Variants in PTGR2 observed in about 807,000 individuals in gnomAD.
PTGR2 encodes prostaglandin reductase 2.
A neutral mutation model predicts 43.4 loss-of-function variants in PTGR2; 32 were observed. The observed-to-expected ratio is 0.74, with a 90% CI of 0.56 to 0.99. The LOEUF (loss-of-function observed/expected upper bound fraction) is 0.99. Ranked by LOEUF, PTGR2 falls within the 50% of genes least tolerant of loss-of-function variation. The probability of loss-of-function intolerance (pLI) is 0.00; values close to 1 mark genes in which losing one functional copy is unlikely to be tolerated. For synonymous variants in PTGR2, 106 were observed against 139.2 expected (o/e 0.76, Z 1.68); for missense variants, 373 against 420.0 (o/e 0.89, Z 0.98).
rs1290978540 is a variant in PTGR2 at position 73,879,122 on chromosome 14, A to G, written c.546A>G (p.Arg182=). 2 of 1,614,038 alleles carry G rather than the reference A, an allele frequency of 1.2e-6. No homozygotes were observed. The highest frequency in any genetic ancestry group is 8.5e-7 in the Non-Finnish European group (1 of 1,179,990). ...GQIGHFLGCS[R]VVGICGTHEK... is the part of the protein sequence containing the mutation. ...TTGGCCATTTCTTAGGTTGTTCCAG[A>G]GTGGTGGGAATTTGTGGAACACATG... The change falls in exon 6 of 10, where the codon AGA becomes AGG. Residue 182 remains arginine (R), a synonymous_variant. Coordinates refer to ENST00000555661, the MANE Select transcript of PTGR2 (RefSeq NM_001146154.2).
At chr14:73,859,655 T>A (rs1372858119) in intron 2 of PTGR2, among the ~76,000 whole-genome samples, 2 of 152,016 alleles carry the variant, frequency 1.3e-5, no homozygotes, top group East Asian at 3.8e-4. Flanking sequence ...TCAAATTTTT[T>A]AATTTTCCAC....
At chr14:73,879,054 G>T (rs2054923196) in intron 5 of PTGR2, 42 bp from the exon 6 acceptor site, 1 of 1,501,208 alleles carries the variant, frequency 6.7e-7, no homozygotes, top group Non-Finnish European at 9.2e-7. Context: ...ACATTTAAAT[G>T]TGACAATATA....
chr14:73,874,431 A>G (rs1341839165), intron 4 of PTGR2, among the ~76,000 whole-genome samples: 3 of 152,038 alleles, frequency 2.0e-5, no homozygotes, highest in Non-Finnish European at 4.4e-5. Context: ...GAGCCTGCTA[A>G]AATAAACTGA....
intron 3 of PTGR2, among the ~76,000 whole-genome samples, chr14:73,867,324 T>C (rs62003701): frequency 0.49 from 74,171 of 151,464 alleles, 18,373 homozygotes; most frequent in South Asian, 0.61. Context: ...TGGGACTTCT[T>C]AGCCTCTCTA....
chr14:73,875,149 T>C (rs1463381569), intron 4 of PTGR2, among the ~76,000 whole-genome samples: 2 of 151,946 alleles, frequency 1.3e-5, no homozygotes, highest in African/African-American at 4.8e-5. Flanking sequence ...CGTGAGTCAC[T>C]GCACCCAGCC....
rs1425679397 is a variant in PTGR2 at position 73,882,393 on chromosome 14, T to G, written c.940-6T>G. The G allele has an allele frequency of 1.3e-6, 2 of 1,551,842 alleles. No homozygotes were observed. The highest frequency in any genetic ancestry group is 1.8e-6 in the Non-Finnish European group (2 of 1,126,142). On this transcript the variant is annotated splice_polypyrimidine_tract_variant and splice_region_variant and intron_variant, in intron 8 of 9. Transcript: ENST00000555661. ...GACTATTAAATCTAGCTATTTTGAT[T>G]TACAGATTAAAGAGACGGTAATAAA...
intron 1 of PTGR2, among the ~76,000 whole-genome samples, chr14:73,857,664 G>GTTTTGTTTTTTTTTTTT (rs2054383610): frequency 4.6e-5 from 3 of 64,694 alleles, no homozygotes; most frequent in Non-Finnish European, 8.1e-5. Flanking sequence ...AGCAGTTAGT[G>GTTTTGTTTTTTTTTTTT]TTTTTTTTTT....
intron 1 of PTGR2, among the ~76,000 whole-genome samples, chr14:73,853,384 G>A (rs980645763): frequency 6.6e-6 from 1 of 150,692 alleles, no homozygotes; most frequent in Non-Finnish European, 1.5e-5. Context: ...GTGCAATGGC[G>A]TGATCTCGGC....
chr14:73,857,664 G>GTTTTGTTTTTT (rs2054383610), intron 1 of PTGR2, among the ~76,000 whole-genome samples: 2 of 64,696 alleles, frequency 3.1e-5, no homozygotes, highest in East Asian at 5.4e-4. Flanking sequence ...AGCAGTTAGT[G>GTTTTGTTTTTT]TTTTTTTTTT....
At chr14:73,867,816 G>A (rs1448250499) in intron 3 of PTGR2, among the ~76,000 whole-genome samples, 1 of 152,158 alleles carries the variant, frequency 6.6e-6, no homozygotes, top group East Asian at 1.9e-4. Context: ...TCCTAATGGG[G>A]TAGGTACCCT....
intron 1 of PTGR2, among the ~76,000 whole-genome samples, chr14:73,855,235 T>C (rs1391081349): frequency 6.6e-6 from 1 of 152,180 alleles, no homozygotes; most frequent in Non-Finnish European, 1.5e-5. Context: ...TATTAGATGA[T>C]GATAAGGAAT....
chr14:73,883,188 C>CTTTTTTTTTTTTTTTTTTTTTTTTTT (rs58234739), intron 9 of PTGR2, among the ~76,000 whole-genome samples: 1 of 58,120 alleles, frequency 1.7e-5, no homozygotes, highest in Non-Finnish European at 2.8e-5. Flanking sequence ...CCTCACCTCC[C>CTTTTTTTTTTTTTTTTTTTTTTTTTT]TTTTTTTTTT....
At chr14:73,852,292 C>G (rs1332968194) in intron 1 of PTGR2, among the ~76,000 whole-genome samples, 1 of 151,948 alleles carries the variant, frequency 6.6e-6, no homozygotes, top group South Asian at 2.1e-4. Flanking sequence ...GAGTCTCGCT[C>G]TGTCTGTCGC....
intron 6 of PTGR2, 106 bp from the exon 7 acceptor site, chr14:73,879,949 C>A: frequency 9.0e-7 from 1 of 1,105,944 alleles, no homozygotes; most frequent in South Asian, 1.5e-5. Flanking sequence ...AAAAATCGAA[C>A]TAGTTGACAG....
chr14:73,861,650 C>T (rs73299586), intron 3 of PTGR2: 1,699 of 152,092 alleles, frequency 0.011, 26 homozygotes, highest in African/African-American at 0.039. Flanking sequence ...GTGGGCAGAT[C>T]GTTTGAGCCT....
At chr14:73,878,718 ATG>A in intron 5 of PTGR2, 1 of 382,494 alleles carries the variant, frequency 2.6e-6, no homozygotes. Context: ...GTGTTGCCAG[ATG>A]ATTTTGCCCA....
rs2054979542 is a variant in PTGR2 at position 73,881,193 on chromosome 14, TC to T, written c.852-10del. 2 of 1,523,514 alleles carry T rather than the reference TC, an allele frequency of 1.3e-6. No homozygotes were observed. Among genetic ancestry groups the T allele is most frequent in the Non-Finnish European group, 1.8e-6 (2 of 1,098,506 alleles). The allele number at this position is 1,523,514 out of a possible 1,614,324, so 94.4% of individuals were successfully genotyped here. On this transcript the variant is annotated splice_polypyrimidine_tract_variant and intron_variant, in intron 7 of 9. Coordinates refer to ENST00000555661, the MANE Select transcript of PTGR2 (RefSeq NM_001146154.2). ...TATTCTCTGATCATTATCCTTTTCT[TC>T]CTCACTGCAGGGAAAGATTTCTGGT... is the stretch of plus-strand genomic sequence containing the variant.
chr14:73,860,599 A>G lies in PTGR2; in HGVS notation c.98A>G (p.Asn33Ser), dbSNP rs2054465839. ...ATGGAAGAAGTCTATTTACCAGATA[A>G]TATTAATGAAGGACAAGTACAAGTT... is the stretch of plus-strand genomic sequence containing the variant. ...FRMEEVYLPD[N>S]INEGQVQVRT... Residue 33 changes from asparagine (N) to serine (S), a missense_variant, in exon 3 of 10, where the codon AAT becomes AGT. Asn to Ser is a conservative substitution (Grantham distance 46). Coordinates refer to ENST00000555661, the MANE Select transcript of PTGR2 (RefSeq NM_001146154.2). 6.3e-7 allele frequency: 1 copy of G among 1,583,802 alleles called. No individual in the cohort carries two copies. Among genetic ancestry groups the G allele is most frequent in the African/African-American group, 1.4e-5 (1 of 73,958 alleles).
At chr14:73,860,469 A>G (rs1165511987) in intron 2 of PTGR2, 70 bp from the exon 3 acceptor site, 6 of 533,434 alleles carry the variant, frequency 1.1e-5, no homozygotes, top group Non-Finnish European at 1.9e-5. Flanking sequence ...TCTGTCTCAA[A>G]TAATAATAAT....
Sources: gnomAD v4.1 joint callset for allele counts (sites outside exome capture counted in the v4.1 genomes callset) on GRCh38, gnomAD v4.1.1 for gene constraint, MANE v1.5 for transcripts, NCBI Gene and HGNC (gene_info 2026-07-23, HGNC 2026-07-21) for gene names.